Variants in SLC25A21 observed in about 807,000 individuals in gnomAD.
SLC25A21 encodes mitochondrial 2-oxodicarboxylate carrier.
In SLC25A21, 47 loss-of-function variants were observed where a neutral mutation model predicts 43.8. The ratio of observed to expected loss-of-function variants is 1.07; its 90% CI spans 0.85 to 1.37. The LOEUF is 1.37. Ranked by LOEUF, SLC25A21 falls within the 40% of genes most tolerant of loss-of-function variation. The pLI is 0.00. For missense variants in SLC25A21, 352 were observed against 350.2 expected (o/e 1.00, Z -0.04); for synonymous variants, 131 against 121.3 (o/e 1.08, Z -0.52).
intron 3 of SLC25A21, among the ~76,000 whole-genome samples, chr14:36,774,701 G>A (rs1449898443): frequency 6.6e-6 from 1 of 152,146 alleles, no homozygotes; most frequent in African/African-American, 2.4e-5. Flanking sequence ...GAGTAGCTGG[G>A]ATGACAGGCA....
intron 3 of SLC25A21, among the ~76,000 whole-genome samples, chr14:36,754,754 G>A (rs1885861229): frequency 6.6e-6 from 1 of 151,762 alleles, no homozygotes; most frequent in Admixed American, 6.6e-5. Context: ...AGAGATAAAA[G>A]TATAATACAA....
At chr14:36,976,451 A>G (rs1235288486) in intron 1 of SLC25A21, among the ~76,000 whole-genome samples, 1 of 152,170 alleles carries the variant, frequency 6.6e-6, no homozygotes, top group Non-Finnish European at 1.5e-5. Flanking sequence ...TGCCTATGAT[A>G]TAATTTGATT....
At chr14:37,000,954 C>T (rs939587337) in intron 1 of SLC25A21, among the ~76,000 whole-genome samples, 1 of 152,124 alleles carries the variant, frequency 6.6e-6, no homozygotes, top group African/African-American at 2.4e-5. Context: ...CATAAATTAG[C>T]CAGTCTCAGG....
Position 36,678,518 on chromosome 14 carries a change from C to G in SLC25A21, c.*2140G>C, listed in dbSNP as rs1200796120. On this transcript the variant is annotated 3_prime_UTR_variant, in exon 10 of 10. Transcript: ENST00000331299. ...AAAATAGACTATAAACTGAATGGAACAAAGATCCAATCCAATATTTTGGTG... is the reference window on the plus strand; with the variant it reads ...AAAATAGACTATAAACTGAATGGAAGAAAGATCCAATCCAATATTTTGGTG... 1 of 1,536,916 alleles carries G rather than the reference C, an allele frequency of 6.5e-7. No homozygotes were observed.
intron 1 of SLC25A21, among the ~76,000 whole-genome samples, chr14:37,121,917 G>A (rs1359884640): frequency 2.0e-5 from 3 of 152,050 alleles, no homozygotes; most frequent in Admixed American, 6.6e-5. Context: ...GAACCATCTC[G>A]TGAGAGTCCT....
chr14:36,737,424 C>T (rs558172028), intron 3 of SLC25A21, among the ~76,000 whole-genome samples: 14 of 152,272 alleles, frequency 9.2e-5, no homozygotes, highest in African/African-American at 3.1e-4. Flanking sequence ...CTTCTCTCTG[C>T]TCAGCTACTT....
intron 1 of SLC25A21, among the ~76,000 whole-genome samples, chr14:36,889,589 C>G (rs1594671139): frequency 6.6e-6 from 1 of 152,046 alleles, no homozygotes; most frequent in East Asian, 1.9e-4. Context: ...TGGGCTTAAG[C>G]AATCCTCCCA....
At chr14:37,039,131 C>T (rs1161397174) in intron 1 of SLC25A21, among the ~76,000 whole-genome samples, 1 of 152,174 alleles carries the variant, frequency 6.6e-6, no homozygotes, top group Non-Finnish European at 1.5e-5. Flanking sequence ...GGGGTGGGTG[C>T]CACTGTCAGA....
At chr14:36,758,217 T>C (rs1886006644) in intron 3 of SLC25A21, among the ~76,000 whole-genome samples, 1 of 152,118 alleles carries the variant, frequency 6.6e-6, no homozygotes. Flanking sequence ...CCAATTCCTT[T>C]TTTTCAGTGT....
rs994397389 is a variant in SLC25A21 at position 37,040,997 on chromosome 14, A to C, written c.70+131284T>G. Among the ~76,000 whole-genome samples, 6 of 152,132 alleles carry C rather than the reference A, an allele frequency of 3.9e-5. No homozygotes were observed. The South Asian group carries it at 1.2e-3, about 32-fold the overall frequency. ...AGAAAAAAGTCCAGAATTTAGATGG[A>C]TGTAACTGTGCAGGAGTTTAGAGAT... On this transcript the variant is annotated intron_variant, in intron 1 of 9. Transcript: ENST00000331299.
intron 3 of SLC25A21, among the ~76,000 whole-genome samples, chr14:36,812,787 T>C (rs1888318295): frequency 6.6e-6 from 1 of 152,084 alleles, no homozygotes; most frequent in Non-Finnish European, 1.5e-5. Flanking sequence ...GCGTGGGCTT[T>C]AGGGTCAAGC....
intron 1 of SLC25A21, among the ~76,000 whole-genome samples, chr14:37,030,337 C>G (rs1210155035): frequency 2.0e-5 from 3 of 152,002 alleles, no homozygotes; most frequent in African/African-American, 7.3e-5. Flanking sequence ...CAGAAATAGA[C>G]CTGATCAATT....
chr14:37,145,844 C>T (rs1002012120), intron 1 of SLC25A21, among the ~76,000 whole-genome samples: 1 of 152,196 alleles, frequency 6.6e-6, no homozygotes, highest in Non-Finnish European at 1.5e-5. Flanking sequence ...TCTAGGTTCA[C>T]AGAATCAATG....
chr14:36,882,050 T>C (rs547375567), intron 1 of SLC25A21, among the ~76,000 whole-genome samples: 1 of 152,326 alleles, frequency 6.6e-6, no homozygotes, highest in South Asian at 2.1e-4. Flanking sequence ...TTCCATTGCA[T>C]GCACTAATTA....
At chr14:36,939,314 G>A (rs1892500244) in intron 1 of SLC25A21, among the ~76,000 whole-genome samples, 1 of 151,990 alleles carries the variant, frequency 6.6e-6, no homozygotes, top group Admixed American at 6.6e-5. Flanking sequence ...GGGGTGGGGG[G>A]GGAATGTAAA....
rs146624322 is a variant in SLC25A21, at chr14:37,039,928, C to T, written c.70+132353G>A. On this transcript the variant is annotated intron_variant, in intron 1 of 9. Transcript: ENST00000331299. ...AGTTACAGGGGGCTGGGCGCTGTGGCTCACGCCTGTAATCCCAATACTTTG... is the reference window on the plus strand; with the variant it reads ...AGTTACAGGGGGCTGGGCGCTGTGGTTCACGCCTGTAATCCCAATACTTTG... Among the ~76,000 whole-genome samples, 1,402 of 152,134 alleles carry T rather than the reference C, an allele frequency of 9.2e-3. 17 individuals are homozygous for T. The highest frequency in any genetic ancestry group is 0.032 in the African/African-American group (1,336 of 41,496).
intron 3 of SLC25A21, among the ~76,000 whole-genome samples, chr14:36,739,298 A>T (rs1192927610): frequency 6.6e-6 from 1 of 152,194 alleles, no homozygotes; most frequent in Non-Finnish European, 1.5e-5. Flanking sequence ...ATATTGATTA[A>T]ATATTTTCTA....
intron 2 of SLC25A21, 26 bp from the exon 3 acceptor site, chr14:36,814,027 T>G: frequency 1.9e-6 from 3 of 1,552,452 alleles, no homozygotes; most frequent in Non-Finnish European, 2.6e-6. Context: ...AACCAAAAAT[T>G]CTAAGTTAAA....
At chr14:36,755,282 G>T (rs190309840) in intron 3 of SLC25A21, among the ~76,000 whole-genome samples, 222 of 152,314 alleles carry the variant, frequency 1.5e-3, no homozygotes, top group African/African-American at 5.1e-3. Flanking sequence ...TGTGATATCA[G>T]GGAAGAATTC....
Sources: allele counts gnomAD v4.1 joint callset (sites outside exome capture counted in the v4.1 genomes callset), GRCh38; gene constraint gnomAD v4.1.1; transcripts MANE v1.5; gene names NCBI Gene and HGNC (gene_info 2026-07-23, HGNC 2026-07-21).